Variants in CNTN5 observed in about 807,000 individuals in gnomAD.
CNTN5 encodes the protein contactin 5, also known as contactin-5.
Under a neutral mutation model 129.1 loss-of-function variants are expected in CNTN5, and 77 were observed. The ratio of observed to expected loss-of-function variants is 0.60; its 90% CI spans 0.50 to 0.72. The LOEUF is 0.72. Among genes scored for constraint, CNTN5 ranks in the 30% least tolerant of loss-of-function variants. The pLI, the probability that CNTN5 is intolerant of heterozygous loss-of-function variation, is 0.00. For missense variants in CNTN5, 1,478 were observed against 1,328.8 expected (o/e 1.11, Z -1.75); for synonymous variants, 509 against 465.6 (o/e 1.09, Z -1.20).
intron 7 of CNTN5, among the ~76,000 whole-genome samples, chr11:99,950,413 G>A (rs1036754880): frequency 6.6e-6 from 1 of 152,182 alleles, no homozygotes; most frequent in Admixed American, 6.5e-5. Context: ...CCTGGTAGGC[G>A]GAGCTTGCAA....
intron 2 of CNTN5, among the ~76,000 whole-genome samples, chr11:99,456,542 A>T (rs1944501916): frequency 6.6e-6 from 1 of 152,110 alleles, no homozygotes; most frequent in Non-Finnish European, 1.5e-5. Context: ...TAAGCAAGGG[A>T]TTCAGGAGAT....
chr11:99,783,980 A>G (rs531952290), intron 3 of CNTN5, among the ~76,000 whole-genome samples: 75 of 152,136 alleles, frequency 4.9e-4, no homozygotes, highest in Non-Finnish European at 5.6e-4. Flanking sequence ...TAAAAAAAAA[A>G]GTATGAAATA....
intron 6 of CNTN5, among the ~76,000 whole-genome samples, chr11:99,867,036 G>A (rs528044346): frequency 6.6e-6 from 1 of 152,178 alleles, no homozygotes; most frequent in Non-Finnish European, 1.5e-5. Context: ...TATTGAAGAA[G>A]TCTTCAATCC....
At chr11:100,098,210 CAA>C (rs1010216545) in intron 13 of CNTN5, among the ~76,000 whole-genome samples, 9 of 150,064 alleles carry the variant, frequency 6.0e-5, no homozygotes, top group African/African-American at 2.0e-4. Context: ...TATGTATAAG[CAA>C]AAAAAAGTAT....
chr11:99,836,903 C>G (rs967829648), intron 4 of CNTN5, among the ~76,000 whole-genome samples: 1 of 152,080 alleles, frequency 6.6e-6, no homozygotes, highest in Non-Finnish European at 1.5e-5. Context: ...AGGGTAAATT[C>G]CTGACTTTGC....
intron 7 of CNTN5, among the ~76,000 whole-genome samples, chr11:99,923,940 C>T (rs1292321281): frequency 1.3e-5 from 2 of 152,082 alleles, no homozygotes; most frequent in Non-Finnish European, 2.9e-5. Flanking sequence ...TACAGGCGCA[C>T]ACCACCACAC....
At chr11:99,186,799 T>G (rs1472880375) in intron 1 of CNTN5, among the ~76,000 whole-genome samples, 1 of 151,928 alleles carries the variant, frequency 6.6e-6, no homozygotes, top group Non-Finnish European at 1.5e-5. Flanking sequence ...AAAGTATTAC[T>G]TATTAAAAGA....
intron 1 of CNTN5, among the ~76,000 whole-genome samples, chr11:99,036,110 T>C (rs950223369): frequency 6.6e-6 from 1 of 152,274 alleles, no homozygotes; most frequent in African/African-American, 2.4e-5. Flanking sequence ...CCACTCTCTT[T>C]TGGCTTGTAG....
rs558289819 is a variant in CNTN5, at chr11:100,165,591, C to T, written c.1581-25535C>T. 2.2e-4 allele frequency among the ~76,000 whole-genome samples: 34 copies of T among 151,792 alleles called. 1 individual carries two copies. The South Asian group carries it at 5.6e-3, about 25-fold the overall frequency. ...AGCTCTTCAAAAATTAATTGGGTTA[C>T]CTTCAAAATAGTGAATTCCCTATCT... On this transcript the variant is annotated intron_variant, in intron 13 of 24. Coordinates refer to ENST00000524871, the MANE Select transcript of CNTN5 (RefSeq NM_014361.4).
At chr11:99,058,642 G>C (rs916348360) in intron 1 of CNTN5, among the ~76,000 whole-genome samples, 1 of 151,824 alleles carries the variant, frequency 6.6e-6, no homozygotes, top group Non-Finnish European at 1.5e-5. Flanking sequence ...GGAGCTGTCT[G>C]CTCTTCCCAC....
chr11:99,446,761 A>T (rs1320343435), intron 2 of CNTN5, among the ~76,000 whole-genome samples: 1 of 152,098 alleles, frequency 6.6e-6, no homozygotes, highest in Non-Finnish European at 1.5e-5. Flanking sequence ...TAGGCTATGT[A>T]CTCTCTTAGC....
chr11:100,253,372 T>G (rs1189146933), intron 16 of CNTN5, among the ~76,000 whole-genome samples: 1 of 152,136 alleles, frequency 6.6e-6, no homozygotes, highest in African/African-American at 2.4e-5. Flanking sequence ...CCATAAAACT[T>G]AACATATAAT....
chr11:99,340,295 T>C (rs1866450970), intron 2 of CNTN5, among the ~76,000 whole-genome samples: 1 of 152,156 alleles, frequency 6.6e-6, no homozygotes, highest in Admixed American at 6.5e-5. Context: ...CATATAAATT[T>C]GGAGTATAAG....
At chr11:100,193,991 A>G (rs1191518789) in intron 15 of CNTN5, among the ~76,000 whole-genome samples, 1 of 151,958 alleles carries the variant, frequency 6.6e-6, no homozygotes, top group Non-Finnish European at 1.5e-5. Context: ...GTTAACAGTA[A>G]TTATGATAAA....
At position 99,781,345 on chromosome 11, in the gene CNTN5, G is replaced by A. The variant is rs142778355; in HGVS notation, c.56-38199G>A. On this transcript the variant is annotated intron_variant, in intron 3 of 24. Coordinates refer to ENST00000524871, the MANE Select transcript of CNTN5 (RefSeq NM_014361.4). ...ATTTTGTGAAATGACTTATTTTCAT[G>A]TTTCTTGGCATATGTGACTCAATGC... Among the ~76,000 whole-genome samples, 315 of 152,056 alleles carry A rather than the reference G, an allele frequency of 2.1e-3. 1 individual carries two copies. The highest frequency in any genetic ancestry group is 7.3e-3 in the African/African-American group (305 of 41,506).
At chr11:99,954,030 A>G (rs1037845310) in intron 7 of CNTN5, among the ~76,000 whole-genome samples, 10 of 152,088 alleles carry the variant, frequency 6.6e-5, no homozygotes, top group Non-Finnish European at 1.5e-4. Context: ...GGTGTAAGCA[A>G]GGGGTCCAGG....
chr11:99,126,167 A>T lies in CNTN5; in HGVS notation c.-210+104897A>T, dbSNP rs115704422. Among the ~76,000 whole-genome samples, 720 of 152,330 alleles carry T rather than the reference A, an allele frequency of 4.7e-3. 2 individuals carry two copies. The highest frequency in any genetic ancestry group is 0.017 in the African/African-American group (699 of 41,584). On this transcript the variant is annotated intron_variant, in intron 1 of 24. Transcript: ENST00000524871. Reference sequence around the variant, plus strand: ...ATTAGGCAATTTTATTAACAGATTCAGTAAAAAATGTCCACCGCAGCTCAA... The same window carrying T: ...ATTAGGCAATTTTATTAACAGATTCTGTAAAAAATGTCCACCGCAGCTCAA...
At chr11:99,366,003 A>G (rs1939422269) in intron 2 of CNTN5, among the ~76,000 whole-genome samples, 1 of 152,122 alleles carries the variant, frequency 6.6e-6, no homozygotes, top group Non-Finnish European at 1.5e-5. Flanking sequence ...TTTTAGCAAC[A>G]GTGTCATGAA....
At chr11:99,245,603 G>T (rs1861776340) in intron 1 of CNTN5, among the ~76,000 whole-genome samples, 2 of 152,152 alleles carry the variant, frequency 1.3e-5, no homozygotes, top group Admixed American at 6.6e-5. Flanking sequence ...TTACAGGCGT[G>T]AGCCACAGTG....
Sources: allele counts gnomAD v4.1 joint callset (sites outside exome capture counted in the v4.1 genomes callset), GRCh38; gene constraint gnomAD v4.1.1; transcripts MANE v1.5; gene names NCBI Gene and HGNC (gene_info 2026-07-23, HGNC 2026-07-21).